LRRTM3: variants seen among roughly 807,000 people sequenced by gnomAD.
LRRTM3 encodes the protein leucine rich repeat transmembrane neuronal 3.
Under a neutral mutation model 44.7 loss-of-function variants are expected in LRRTM3, and 24 were observed. That is an observed-to-expected ratio of 0.54 (90% CI 0.39 to 0.76). LRRTM3 has a LOEUF of 0.76. Ranked by LOEUF, LRRTM3 falls within the 30% of genes least tolerant of loss-of-function variation. The pLI is 0.00. For missense variants in LRRTM3, 587 were observed against 702.2 expected (o/e 0.84, Z 1.85); for synonymous variants, 277 against 278.7 (o/e 0.99, Z 0.06).
chr10:66,968,194 A>G (rs912741097), intron 2 of LRRTM3, among the ~76,000 whole-genome samples: 2 of 152,044 alleles, frequency 1.3e-5, no homozygotes, highest in African/African-American at 4.8e-5. Flanking sequence ...CTCTACCATC[A>G]TCAAATAAGA....
chr10:67,042,904 G>A (rs1185525182), intron 2 of LRRTM3, among the ~76,000 whole-genome samples: 1 of 152,106 alleles, frequency 6.6e-6, no homozygotes, highest in Non-Finnish European at 1.5e-5. Context: ...TATATTTCCT[G>A]TAACAAATTT....
At chr10:66,951,757 T>A (rs1418890867) in intron 2 of LRRTM3, among the ~76,000 whole-genome samples, 2 of 152,166 alleles carry the variant, frequency 1.3e-5, no homozygotes, top group Admixed American at 6.6e-5. Context: ...TATTTTAGCA[T>A]GTGAAACATT....
intron 2 of LRRTM3, among the ~76,000 whole-genome samples, chr10:67,058,165 A>C (rs1855552430): frequency 6.6e-6 from 1 of 152,148 alleles, no homozygotes; most frequent in African/African-American, 2.4e-5. Flanking sequence ...TAATCTTAGG[A>C]AATTATTTTG....
chr10:67,058,925 T>C (rs1855598547), intron 2 of LRRTM3, among the ~76,000 whole-genome samples: 1 of 152,164 alleles, frequency 6.6e-6, no homozygotes, highest in Admixed American at 6.6e-5. Flanking sequence ...GTCAAGGACA[T>C]TGTAAGCCAT....
intron 2 of LRRTM3, among the ~76,000 whole-genome samples, chr10:66,985,649 G>C (rs551403688): frequency 6.6e-6 from 1 of 152,102 alleles, no homozygotes; most frequent in Non-Finnish European, 1.5e-5. Context: ...ACCAGGAAGG[G>C]CAGGTGGAAA....
chr10:67,094,488 A>T (rs1205721197), intron 2 of LRRTM3, among the ~76,000 whole-genome samples: 1 of 151,862 alleles, frequency 6.6e-6, no homozygotes, highest in Non-Finnish European at 1.5e-5. Flanking sequence ...TATAATTAAA[A>T]AGAAAATTAC....
intron 2 of LRRTM3, among the ~76,000 whole-genome samples, chr10:66,940,052 A>G (rs965591987): frequency 1.3e-5 from 2 of 152,094 alleles, no homozygotes; most frequent in Non-Finnish European, 1.5e-5. Context: ...GAACAGTAAA[A>G]TAAGTAGTTA....
chr10:67,066,579 G>A (rs978226782), intron 2 of LRRTM3, among the ~76,000 whole-genome samples: 8 of 148,040 alleles, frequency 5.4e-5, no homozygotes, highest in Non-Finnish European at 1.0e-4. Context: ...CATTACAGAA[G>A]CCAAAATATC....
chr10:66,958,815 A>G (rs975945489), intron 2 of LRRTM3, among the ~76,000 whole-genome samples: 5 of 152,122 alleles, frequency 3.3e-5, no homozygotes, highest in Non-Finnish European at 5.9e-5. Context: ...CTCAAAGAAG[A>G]AGGAAAGGAA....
chr10:67,084,401 C>T (rs1299247434), intron 2 of LRRTM3, among the ~76,000 whole-genome samples: 1 of 151,966 alleles, frequency 6.6e-6, no homozygotes, highest in Non-Finnish European at 1.5e-5. Flanking sequence ...ACTATCACAA[C>T]ATCATGAATA....
At chr10:67,012,334 C>T (rs886795837) in intron 2 of LRRTM3, 3 of 152,182 alleles carry the variant, frequency 2.0e-5, no homozygotes, top group Non-Finnish European at 4.4e-5. Context: ...TGCCAGATCT[C>T]CTAGATGCCC....
At chr10:67,091,769 G>C (rs544995322) in intron 2 of LRRTM3, among the ~76,000 whole-genome samples, 1 of 151,992 alleles carries the variant, frequency 6.6e-6, no homozygotes, top group Non-Finnish European at 1.5e-5. Context: ...ACAAGAGACA[G>C]GGAGTCAAAG....
intron 2 of LRRTM3, among the ~76,000 whole-genome samples, chr10:66,940,004 T>C (rs1236854609): frequency 6.6e-6 from 1 of 152,184 alleles, no homozygotes; most frequent in Non-Finnish European, 1.5e-5. Flanking sequence ...ACTTAATTTT[T>C]TTTTTAATTC....
intron 2 of LRRTM3, among the ~76,000 whole-genome samples, chr10:66,951,088 T>TAC (rs3056558): frequency 0.035 from 5,183 of 146,088 alleles, 250 homozygotes; most frequent in East Asian, 0.24. Context: ...TAACATTAAA[T>TAC]ACACACACAC....
chr10:66,997,762 G>A (rs1564821063), intron 2 of LRRTM3, among the ~76,000 whole-genome samples: 1 of 152,096 alleles, frequency 6.6e-6, no homozygotes, highest in African/African-American at 2.4e-5. Flanking sequence ...CCCAGGCAGA[G>A]GAAGTCCTCA....
At chr10:66,947,015 T>A (rs529179117) in intron 2 of LRRTM3, among the ~76,000 whole-genome samples, 1 of 152,274 alleles carries the variant, frequency 6.6e-6, no homozygotes, top group South Asian at 2.1e-4. Flanking sequence ...GAGGTAATCA[T>A]CTTTTTAAGT....
intron 2 of LRRTM3, among the ~76,000 whole-genome samples, chr10:67,075,378 G>C (rs1370089209): frequency 1.3e-5 from 2 of 152,136 alleles, no homozygotes; most frequent in African/African-American, 4.8e-5. Context: ...GTTACCCTGA[G>C]AGAGATGCCA....
At chr10:66,973,801 T>C (rs1849865292) in intron 2 of LRRTM3, among the ~76,000 whole-genome samples, 1 of 152,016 alleles carries the variant, frequency 6.6e-6, no homozygotes, top group Admixed American at 6.6e-5. Context: ...TTTTTTGTAT[T>C]TTTACTGAGA....
At chr10:67,080,887 C>T (rs1013348640) in intron 2 of LRRTM3, among the ~76,000 whole-genome samples, 6 of 146,712 alleles carry the variant, frequency 4.1e-5, no homozygotes, top group East Asian at 4.0e-4. Flanking sequence ...CCAGCCTGGG[C>T]GAGAGAGCGA....
Sources: gnomAD v4.1 joint callset for allele counts (sites outside exome capture counted in the v4.1 genomes callset) on GRCh38, gnomAD v4.1.1 for gene constraint, MANE v1.5 for transcripts, NCBI Gene and HGNC (gene_info 2026-07-23, HGNC 2026-07-21) for gene names.